ANK3: variants seen among roughly 807,000 people sequenced by gnomAD.
ANK3 encodes the protein ankyrin-3.
Under a neutral mutation model 370.9 loss-of-function variants are expected in ANK3, and 57 were observed. The ratio of observed to expected loss-of-function variants is 0.15; its 90% CI spans 0.12 to 0.19. The LOEUF is 0.19. Ranked by LOEUF, ANK3 falls within the 10% of genes least tolerant of loss-of-function variation. The pLI, the probability that ANK3 is intolerant of heterozygous loss-of-function variation, is 1.00. For missense variants in ANK3, 4,439 were observed against 5,302.1 expected (o/e 0.84, Z 5.06); for synonymous variants, 1,929 against 1,946.3 (o/e 0.99, Z 0.23).
chr10:60,235,550 G>GTTTTTTTTTTT (rs72388493), intron 7 of ANK3, among the ~76,000 whole-genome samples: 6 of 115,052 alleles, frequency 5.2e-5, no homozygotes, highest in South Asian at 2.8e-4. Flanking sequence ...CTGATTTCTT[G>GTTTTTTTTTTT]TTTTTTTTTT....
chr10:60,293,647 C>T (rs940432771), intron 1 of ANK3, among the ~76,000 whole-genome samples: 1 of 152,112 alleles, frequency 6.6e-6, no homozygotes, highest in Non-Finnish European at 1.5e-5. Flanking sequence ...TCCTCACATA[C>T]AAAGAAGGCT....
chr10:60,584,199 G>T (rs932801622), intron 2 of ANK3, among the ~76,000 whole-genome samples: 4 of 152,186 alleles, frequency 2.6e-5, no homozygotes, highest in African/African-American at 9.6e-5. Flanking sequence ...CCATAGGCTG[G>T]ACCAATTACT....
intron 2 of ANK3, among the ~76,000 whole-genome samples, chr10:60,504,406 C>T (rs1053886971): frequency 1.3e-5 from 2 of 152,108 alleles, no homozygotes; most frequent in African/African-American, 4.8e-5. Flanking sequence ...TGGTATTTTT[C>T]ATGCATCAAT....
intron 1 of ANK3, among the ~76,000 whole-genome samples, chr10:60,665,316 C>T (rs2078982925): frequency 6.6e-6 from 1 of 152,176 alleles, no homozygotes. Context: ...CCAAAAACAT[C>T]AAAACGCAGT....
chr10:60,724,918 C>A (rs1452441996), intron 1 of ANK3, among the ~76,000 whole-genome samples: 1 of 152,162 alleles, frequency 6.6e-6, no homozygotes, highest in African/African-American at 2.4e-5. Flanking sequence ...TTTAACTTCA[C>A]CATCCAGAGG....
rs1325330299 is a variant in ANK3 at position 60,669,533 on chromosome 10, C to T, written c.58-54309G>A. Among the ~76,000 whole-genome samples, 8 of 152,262 alleles carry T rather than the reference C, an allele frequency of 5.3e-5. No homozygotes were observed. The East Asian group carries it at 1.5e-3, about 29-fold the overall frequency. ...ACTTCACTGGAATGTTTTTATGATGCTGCCCTGGGGAATCACTAATGATCT... is the reference window on the plus strand; with the variant it reads ...ACTTCACTGGAATGTTTTTATGATGTTGCCCTGGGGAATCACTAATGATCT... On this transcript the variant is annotated intron_variant, in intron 1 of 43. Coordinates refer to the ANK3 transcript ENST00000373827.
chr10:60,695,879 G>A (rs1232306962), intron 1 of ANK3, among the ~76,000 whole-genome samples: 1 of 151,642 alleles, frequency 6.6e-6, no homozygotes, highest in Non-Finnish European at 1.5e-5. Context: ...AAAGCTAGCA[G>A]AAGGCAAGAA....
chr10:60,395,618 TTCTCTCTCTC>T (rs71015791), intron 2 of ANK3, among the ~76,000 whole-genome samples: 1,548 of 126,136 alleles, frequency 0.012, 58 homozygotes, highest in African/African-American at 0.042. Flanking sequence ...CTCTCTTTCG[TTCTCTCTCTC>T]TCTCTCTCTC....
At position 60,071,932 on chromosome 10, in the gene ANK3, C is replaced by T. The variant is rs779729356; in HGVS notation, c.8949G>A (p.Ser2983=). ...SNIPDGFCEQ[S]AFPKHELSQK... ...GTGATAGTTCATGTTTTGGAAATGC[C>T]GACTGTTCACAAAAACCATCGGGAA... Residue 2983 remains serine, a synonymous_variant, in exon 37 of 44, where the codon TCG becomes TCA. Transcript: ENST00000280772. The T allele has an allele frequency of 2.5e-6, 4 of 1,613,982 alleles. No homozygotes were observed. The highest frequency in any genetic ancestry group is 1.7e-5 in the Admixed American group (1 of 59,998).
chr10:60,118,614 G>A (rs973620200), intron 25 of ANK3, among the ~76,000 whole-genome samples: 1 of 152,134 alleles, frequency 6.6e-6, no homozygotes, highest in African/African-American at 2.4e-5. Flanking sequence ...CAAACCTTCA[G>A]AGTAGGGCAA....
At chr10:60,180,816 C>A (rs1371275826) in intron 18 of ANK3, among the ~76,000 whole-genome samples, 1 of 145,810 alleles carries the variant, frequency 6.9e-6, no homozygotes, top group Non-Finnish European at 1.5e-5. Context: ...ATTTTTTTTT[C>A]TTTTTGAAAT....
Position 60,069,440 on chromosome 10 carries a change from G to A in ANK3, c.11441C>T (p.Pro3814Leu). Reference protein sequence around the residue: ...SNIVLTEHSAPTCTTEKDNPV... With the variant: ...SNIVLTEHSALTCTTEKDNPV... ...GTTATCTTTCTCTGTGGTACAAGTGGGTGCAGAATGTTCTGTCAGAACTAT... is the reference window on the plus strand; with the variant it reads ...GTTATCTTTCTCTGTGGTACAAGTGAGTGCAGAATGTTCTGTCAGAACTAT... Residue 3814 changes from proline to leucine, a missense_variant, in exon 37 of 44, where the codon CCC becomes CTC. Physicochemically the swap from Pro to Leu is moderately conservative, Grantham distance 98. Transcript: ENST00000280772. 6.2e-7 allele frequency: 1 copy of A among 1,613,694 alleles called. No homozygotes were observed. Among genetic ancestry groups the A allele is most frequent in the Non-Finnish European group, 8.5e-7 (1 of 1,179,896 alleles).
In ANK3 at chr10:60,028,001, C is replaced by T. The variant is rs1317793991; in HGVS notation, c.*1845G>A. The stretch of plus-strand genomic sequence containing the variant: ...TTAGCAACTTAATTATGTGAAATGT[C>T]CCAACTTGTAAGAATGGACAATAAA... On this transcript the variant is annotated 3_prime_UTR_variant, in exon 44 of 44. Coordinates refer to ENST00000280772, the MANE Select transcript of ANK3 (RefSeq NM_020987.5). 4.6e-5 allele frequency: 7 copies of T among 152,076 alleles called. No individual in the cohort carries two copies. The highest frequency in any genetic ancestry group is 1.2e-4 in the African/African-American group (5 of 41,380). 9.4% of individuals were successfully genotyped at this position (152,076 alleles called of 1,614,324 possible).
intron 2 of ANK3, among the ~76,000 whole-genome samples, chr10:60,545,761 G>A (rs1177406829): frequency 6.6e-6 from 1 of 152,108 alleles, no homozygotes; most frequent in East Asian, 1.9e-4. Flanking sequence ...ATGATATTTA[G>A]ATTTTCTTAA....
chr10:60,086,935 T>C lies in ANK3; in HGVS notation c.3541-51A>G, dbSNP rs36112841. ...TGAAAGTGACTTTTTTTTTTTTTTT[T>C]CCCAATCATGAAGTTTACTTTTTAA... On this transcript the variant is annotated intron_variant, in intron 29 of 43. Transcript: ENST00000280772. 1.8e-3 allele frequency: 2,068 copies of C among 1,175,318 alleles called. 15 individuals are homozygous for C. The highest frequency in any genetic ancestry group is 0.017 in the South Asian group (884 of 52,618). 72.8% of individuals were successfully genotyped at this position (1,175,318 alleles called of 1,614,324 possible).
chr10:60,143,861 T>C (rs1215502388), intron 23 of ANK3, among the ~76,000 whole-genome samples: 2 of 152,154 alleles, frequency 1.3e-5, no homozygotes, highest in African/African-American at 2.4e-5. Context: ...CCAGTCCCAA[T>C]GTAAGAGATC....
rs2086218806 is a variant in ANK3, at chr10:60,084,626, T to C, written c.4050A>G (p.Glu1350=). ...CCTCAATATCTTTGCTTCTTGCGAC[T>C]TCCTCAAAATTCTCTTGTTGCTCTA... ...KTLEQQENFE[E]VARSKDIEVL... The change falls in exon 32 of 44, where the codon GAA becomes GAG. Residue 1350 remains glutamate (E), a synonymous_variant. Transcript: ENST00000280772. 6.2e-7 allele frequency: 1 copy of C among 1,613,884 alleles called. No homozygotes were observed. Among genetic ancestry groups the C allele is most frequent in the Non-Finnish European group, 8.5e-7 (1 of 1,179,964 alleles).
chr10:60,592,703 G>A (rs796144681), intron 2 of ANK3, among the ~76,000 whole-genome samples: 4 of 152,320 alleles, frequency 2.6e-5, no homozygotes, highest in African/African-American at 7.2e-5. Context: ...GGCAGAAGTC[G>A]CAGTGAGCTG....
At chr10:60,124,154 ATATT>A (rs1046925105) in intron 25 of ANK3, among the ~76,000 whole-genome samples, 9 of 151,864 alleles carry the variant, frequency 5.9e-5, no homozygotes, top group African/African-American at 2.2e-4. Flanking sequence ...ATACCCCTAG[ATATT>A]TATTTATTTT....
Sources: allele counts gnomAD v4.1 joint callset (sites outside exome capture counted in the v4.1 genomes callset), GRCh38; gene constraint gnomAD v4.1.1; transcripts MANE v1.5; gene names NCBI Gene and HGNC (gene_info 2026-07-23, HGNC 2026-07-21).